The following NUDT3 variants were observed in gnomAD, a reference collection of about 807,000 sequenced individuals.
NUDT3 encodes the protein diphosphoinositol polyphosphate phosphohydrolase 1.
A neutral mutation model predicts 23.6 loss-of-function variants in NUDT3; 9 were observed. That is an observed-to-expected ratio of 0.38 (90% CI 0.23 to 0.66). The LOEUF (loss-of-function observed/expected upper bound fraction) is 0.66. Among genes scored for constraint, NUDT3 ranks in the 30% least tolerant of loss-of-function variants. The pLI is 0.52. For missense variants in NUDT3, 172 were observed against 218.5 expected (o/e 0.79, Z 1.34); for synonymous variants, 86 against 82.6 (o/e 1.04, Z -0.22).
At chr6:34,317,171 G>T (rs938757079) in intron 2 of NUDT3, among the ~76,000 whole-genome samples, 1 of 152,176 alleles carries the variant, frequency 6.6e-6, no homozygotes, top group Non-Finnish European at 1.5e-5. Flanking sequence ...GGGGAAGACT[G>T]CTGGCGAAGC....
intron 1 of NUDT3, among the ~76,000 whole-genome samples, chr6:34,342,821 AC>A (rs1225007612): frequency 1.3e-5 from 2 of 152,200 alleles, no homozygotes; most frequent in African/African-American, 4.8e-5. Flanking sequence ...AAACTCTGCA[AC>A]CATCCTTGTT....
intron 1 of NUDT3, among the ~76,000 whole-genome samples, chr6:34,380,133 G>T (rs1225357719): frequency 6.6e-6 from 1 of 151,912 alleles, no homozygotes; most frequent in Non-Finnish European, 1.5e-5. Context: ...GCCCAGACTG[G>T]AGTGCAACAG....
intron 1 of NUDT3, among the ~76,000 whole-genome samples, chr6:34,369,532 G>T (rs1764794879): frequency 6.6e-6 from 1 of 152,114 alleles, no homozygotes; most frequent in African/African-American, 2.4e-5. Flanking sequence ...TAAGGAGAGG[G>T]GTCTTGTAAA....
At chr6:34,348,055 T>G (rs1581880949) in intron 1 of NUDT3, among the ~76,000 whole-genome samples, 1 of 151,658 alleles carries the variant, frequency 6.6e-6, no homozygotes, top group East Asian at 1.9e-4. Flanking sequence ...TCCTAGCACT[T>G]TGGGAGGCTG....
chr6:34,390,307 A>C (rs1454716475), intron 1 of NUDT3, among the ~76,000 whole-genome samples: 2 of 151,446 alleles, frequency 1.3e-5, no homozygotes, highest in African/African-American at 4.8e-5. Context: ...AAAAAAAAAG[A>C]AAAAAAGTAA....
chr6:34,284,254 C>T lies in NUDT3; in HGVS notation c.*4499G>A, dbSNP rs965836082. The T allele has an allele frequency of 2.6e-5, 4 of 152,160 alleles. No homozygotes were observed. The highest frequency in any genetic ancestry group is 7.2e-5 in the African/African-American group (3 of 41,406). 9.4% of individuals were successfully genotyped at this position (152,160 alleles called of 1,614,324 possible). ...CCCCATAGCTGCTTGAGTTAACTGT[C>T]CCACAAGTGTCCTGTGTTTTGTAAA... On this transcript the variant is annotated 3_prime_UTR_variant, in exon 5 of 5. Coordinates refer to ENST00000607016, the MANE Select transcript of NUDT3 (RefSeq NM_006703.4).
Position 34,283,529 on chromosome 6 carries a change from T to G in NUDT3, c.*5224A>C, listed in dbSNP as rs1763301928. ...TCCATTTATTAATTTATAAGGGGAC[T>G]AGAAGGACAAACTATTTGATTAATT... On this transcript the variant is annotated 3_prime_UTR_variant, in exon 5 of 5. Transcript: ENST00000607016. 1 of 152,204 alleles carries G rather than the reference T, an allele frequency of 6.6e-6. No homozygotes were observed. 9.4% of individuals were successfully genotyped at this position (152,204 alleles called of 1,614,324 possible). A position where few individuals can be genotyped will look rare whatever the true frequency, so the allele number is the denominator to read the frequency against.
At chr6:34,320,728 C>G (rs371453158) in intron 2 of NUDT3, among the ~76,000 whole-genome samples, 2 of 152,068 alleles carry the variant, frequency 1.3e-5, no homozygotes, top group Non-Finnish European at 1.5e-5. Flanking sequence ...CCCAGCTACT[C>G]AGGAGGCTGA....
intron 2 of NUDT3, among the ~76,000 whole-genome samples, chr6:34,295,998 A>T (rs1218056248): frequency 6.6e-6 from 1 of 152,200 alleles, no homozygotes; most frequent in Non-Finnish European, 1.5e-5. Flanking sequence ...TGAGGTATTG[A>T]TTACTTCAGG....
intron 2 of NUDT3, among the ~76,000 whole-genome samples, chr6:34,332,034 C>A (rs1189133948): frequency 6.6e-6 from 1 of 152,038 alleles, no homozygotes; most frequent in African/African-American, 2.4e-5. Context: ...GTCAACACGC[C>A]CAACTAATTT....
intron 2 of NUDT3, among the ~76,000 whole-genome samples, chr6:34,301,595 C>T (rs1462150159): frequency 6.6e-6 from 1 of 152,270 alleles, no homozygotes; most frequent in African/African-American, 2.4e-5. Flanking sequence ...GCCAGCTAAC[C>T]TCCAAACTGT....
At chr6:34,384,269 A>G (rs1309244689) in intron 1 of NUDT3, among the ~76,000 whole-genome samples, 1 of 152,222 alleles carries the variant, frequency 6.6e-6, no homozygotes, top group East Asian at 1.9e-4. Context: ...CCCTTTGCCA[A>G]GAGATATAGG....
chr6:34,363,355 C>T lies in NUDT3; in HGVS notation c.100-21383G>A, dbSNP rs206938. On this transcript the variant is annotated intron_variant, in intron 1 of 4. Transcript: ENST00000607016. ...GGCATTTAGTCACTTTCACTCAAGG[C>T]AGGCAACTATGCAAAAGAGATTAGC... Among the ~76,000 whole-genome samples the T allele has an allele frequency of 2.2e-3, 337 of 152,258 alleles. 1 individual carries two copies. The highest frequency in any genetic ancestry group is 7.7e-3 in the African/African-American group (319 of 41,556).
At chr6:34,293,581 G>C in intron 3 of NUDT3, 46 bp from the exon 4 acceptor site, 3 of 1,609,194 alleles carry the variant, frequency 1.9e-6, no homozygotes, top group Non-Finnish European at 2.6e-6. Flanking sequence ...TCCTTAGAAA[G>C]CTGGAATTAC....
intron 1 of NUDT3, among the ~76,000 whole-genome samples, chr6:34,388,285 C>T (rs1159353670): frequency 2.0e-5 from 3 of 152,138 alleles, no homozygotes; most frequent in Non-Finnish European, 4.4e-5. Context: ...CGACACATGG[C>T]TGTATTTTCA....
At chr6:34,304,330 G>T (rs1364076822) in intron 2 of NUDT3, among the ~76,000 whole-genome samples, 1 of 151,756 alleles carries the variant, frequency 6.6e-6, no homozygotes, top group African/African-American at 2.4e-5. Context: ...ACTTTGGGAG[G>T]CTAAGGTGGA....
intron 2 of NUDT3, among the ~76,000 whole-genome samples, chr6:34,338,190 AAAG>A (rs1048285232): frequency 6.6e-6 from 1 of 152,216 alleles, no homozygotes; most frequent in African/African-American, 2.4e-5. Flanking sequence ...GCTTCAGAGT[AAAG>A]AAAAGCTCAC....
intron 3 of NUDT3, 105 bp downstream of exon 3, chr6:34,295,536 T>TAAAAA: frequency 1.8e-6 from 2 of 1,114,638 alleles, no homozygotes; most frequent in Non-Finnish European, 1.2e-6. Flanking sequence ...TAAAAATAAC[T>TAAAAA]AAAAAAAAAA....
chr6:34,390,755 T>C (rs896240701), intron 1 of NUDT3, among the ~76,000 whole-genome samples: 5 of 152,182 alleles, frequency 3.3e-5, no homozygotes, highest in Non-Finnish European at 7.3e-5. Flanking sequence ...ACTAGTGTAG[T>C]AAGACATGCT....
Sources: allele counts gnomAD v4.1 joint callset (sites outside exome capture counted in the v4.1 genomes callset), GRCh38; gene constraint gnomAD v4.1.1; transcripts MANE v1.5; gene names NCBI Gene and HGNC (gene_info 2026-07-23, HGNC 2026-07-21).